NHSL1: variants seen among roughly 807,000 people sequenced by gnomAD.
NHSL1 encodes NHS-like protein 1.
A neutral mutation model predicts 95.0 loss-of-function variants in NHSL1; 48 were observed. The observed-to-expected ratio is 0.51, with a 90% CI of 0.40 to 0.64. The LOEUF (loss-of-function observed/expected upper bound fraction) is 0.64, where lower values mean the gene tolerates loss of function less well. Among genes scored for constraint, NHSL1 ranks in the 30% least tolerant of loss-of-function variants. NHSL1 has a pLI of 0.00. For synonymous variants in NHSL1, 783 were observed against 833.9 expected (o/e 0.94, Z 1.05); for missense variants, 1,971 against 2,077.7 (o/e 0.95, Z 1.00).
At chr6:138,584,477 A>G (rs961831871) in intron 1 of NHSL1, among the ~76,000 whole-genome samples, 9 of 152,228 alleles carry the variant, frequency 5.9e-5, no homozygotes, top group African/African-American at 2.2e-4. Flanking sequence ...ATCCATAAGT[A>G]GAAGGGCTAT....
chr6:138,568,708 A>G (rs761528196), intron 1 of NHSL1, among the ~76,000 whole-genome samples: 12 of 152,224 alleles, frequency 7.9e-5, no homozygotes, highest in Non-Finnish European at 1.8e-4. Flanking sequence ...ATCAATATGT[A>G]TCTTGTAATT....
At chr6:138,506,616 G>A (rs774980631) in intron 1 of NHSL1, among the ~76,000 whole-genome samples, 1 of 152,152 alleles carries the variant, frequency 6.6e-6, no homozygotes, top group South Asian at 2.1e-4. Context: ...TTAAATGTAA[G>A]TGGGCATCTT....
chr6:138,688,102 C>T (rs1785610975), intron 1 of NHSL1, among the ~76,000 whole-genome samples: 1 of 152,068 alleles, frequency 6.6e-6, no homozygotes, highest in Non-Finnish European at 1.5e-5. Flanking sequence ...CAGGCATGTG[C>T]CCCTATGCCC....
At chr6:138,614,534 G>GT (rs1438409182) in intron 1 of NHSL1, among the ~76,000 whole-genome samples, 1 of 152,202 alleles carries the variant, frequency 6.6e-6, no homozygotes, top group Non-Finnish European at 1.5e-5. Context: ...CTTGTTCTAA[G>GT]TAAGTTACCC....
At chr6:138,624,053 TA>T in intron 1 of NHSL1, among the ~76,000 whole-genome samples, 1 of 152,292 alleles carries the variant, frequency 6.6e-6, no homozygotes, top group African/African-American at 2.4e-5. Flanking sequence ...CTTTCCTTTA[TA>T]AATTACCTAG....
intron 1 of NHSL1, among the ~76,000 whole-genome samples, chr6:138,509,396 G>C (rs550780426): frequency 2.0e-5 from 3 of 152,136 alleles, no homozygotes; most frequent in Non-Finnish European, 1.5e-5. Flanking sequence ...GAGCTCCCTC[G>C]TATTTTTAAA....
At position 138,423,838 on chromosome 6, in the gene NHSL1, A is replaced by AAT; in HGVS notation, c.*241_*242dup. 1 of 326,274 alleles carries AAT rather than the reference A, an allele frequency of 3.1e-6. No individual in the cohort carries two copies. Among genetic ancestry groups the AAT allele is most frequent in the South Asian group, 1.6e-4 (1 of 6,432 alleles). 20.2% of individuals were successfully genotyped at this position (326,274 alleles called of 1,614,324 possible). A position where few individuals can be genotyped will look rare whatever the true frequency, so the allele number is the denominator to read the frequency against. ...AGCAAAAAAAAAAAAAAAAAAAAAA[A>AAT]ATCTTCCCCGGGAAGCACTTTCAGA... On this transcript the variant is annotated 3_prime_UTR_variant, in exon 8 of 8. Transcript: ENST00000343505.
chr6:138,571,470 C>T, intron 1 of NHSL1: 1 of 468,476 alleles, frequency 2.1e-6, no homozygotes, highest in South Asian at 2.4e-5. Context: ...AGGGAGGCTG[C>T]CGAGAACAAA....
intron 2 of NHSL1, among the ~76,000 whole-genome samples, chr6:138,475,016 C>T (rs1017316208): frequency 6.6e-6 from 1 of 151,896 alleles, no homozygotes. Flanking sequence ...GGTGTGGTGG[C>T]GCATGCCTGT....
intron 1 of NHSL1, among the ~76,000 whole-genome samples, chr6:138,607,572 A>AT (rs377512434): frequency 1.1e-3 from 160 of 152,274 alleles, no homozygotes; most frequent in African/African-American, 3.4e-3. Context: ...TGATGGTTTG[A>AT]TTTTTTTCTT....
chr6:138,569,675 C>A (rs1007522458), intron 1 of NHSL1, among the ~76,000 whole-genome samples: 1 of 152,162 alleles, frequency 6.6e-6, no homozygotes, highest in Non-Finnish European at 1.5e-5. Context: ...TTCTGTATTT[C>A]TCCAAAGGAA....
chr6:138,603,000 C>T (rs558554272), intron 1 of NHSL1, among the ~76,000 whole-genome samples: 4 of 152,242 alleles, frequency 2.6e-5, no homozygotes, highest in Admixed American at 2.6e-4. Flanking sequence ...TCCAAACAAA[C>T]AGAGAAATTA....
chr6:138,616,521 A>C lies in NHSL1; in HGVS notation c.96+75955T>G, dbSNP rs539140012. Among the ~76,000 whole-genome samples the C allele has an allele frequency of 2.6e-5, 4 of 152,002 alleles. No individual in the cohort carries two copies. In the South Asian group the frequency reaches 8.3e-4, roughly 32 times the overall value. On this transcript the variant is annotated intron_variant, in intron 1 of 3. Transcript: ENST00000491526. ...AGAGAGGAAGAGGGAACAAGGGGGC[A>C]GGCAGAGACAGAGAGAGAGAGAGAG...
chr6:138,671,832 T>C (rs907919725), intron 1 of NHSL1, among the ~76,000 whole-genome samples: 5 of 152,176 alleles, frequency 3.3e-5, no homozygotes, highest in African/African-American at 1.2e-4. Context: ...TGTTTGATGA[T>C]GTGGCTCTGC....
chr6:138,468,346 G>A (rs1326987992), intron 3 of NHSL1, among the ~76,000 whole-genome samples: 1 of 152,188 alleles, frequency 6.6e-6, no homozygotes, highest in African/African-American at 2.4e-5. Context: ...TAGCCTAGGA[G>A]CAACAGGCTA....
chr6:138,498,942 A>C (rs1440212981), intron 1 of NHSL1, among the ~76,000 whole-genome samples: 3 of 152,218 alleles, frequency 2.0e-5, no homozygotes, highest in Admixed American at 2.0e-4. Flanking sequence ...GCACAGAAGA[A>C]GTGAATTCAC....
chr6:138,427,321 T>G (rs1197854045), intron 7 of NHSL1, among the ~76,000 whole-genome samples: 2 of 152,098 alleles, frequency 1.3e-5, no homozygotes, highest in Non-Finnish European at 2.9e-5. Context: ...ACGCCTATAA[T>G]CCCAGCTACT....
At chr6:138,563,608 A>G (rs1783493452) in intron 1 of NHSL1, among the ~76,000 whole-genome samples, 1 of 152,266 alleles carries the variant, frequency 6.6e-6, no homozygotes, top group Admixed American at 6.5e-5. Context: ...TATCTATAAA[A>G]CAAACATTCA....
chr6:138,469,156 T>C (rs1778587787), intron 3 of NHSL1, among the ~76,000 whole-genome samples: 1 of 152,144 alleles, frequency 6.6e-6, no homozygotes, highest in African/African-American at 2.4e-5. Flanking sequence ...TGAAGATTAA[T>C]AAAGATTTGG....
Sources: gnomAD v4.1 joint callset for allele counts (sites outside exome capture counted in the v4.1 genomes callset) on GRCh38, gnomAD v4.1.1 for gene constraint, MANE v1.5 for transcripts, NCBI Gene and HGNC (gene_info 2026-07-23, HGNC 2026-07-21) for gene names.